The following ENSA variants were observed in gnomAD, a reference collection of about 807,000 sequenced individuals.
ENSA encodes the protein alpha-endosulfine.
In ENSA, 7 loss-of-function variants were observed where a neutral mutation model predicts 16.8. That is an observed-to-expected ratio of 0.42 (90% CI 0.24 to 0.78). ENSA has a LOEUF of 0.78. Ranked by LOEUF, ENSA falls within the 30% of genes least tolerant of loss-of-function variation. The probability of loss-of-function intolerance (pLI) is 0.29; values close to 1 mark genes in which losing one functional copy is unlikely to be tolerated. For synonymous variants in ENSA, 58 were observed against 53.4 expected, an observed-to-expected ratio of 1.09 and a Z score of -0.37; for missense variants, 87 against 142.3, an observed-to-expected ratio of 0.61 and a Z score of 1.98.
rs1275929044 is a variant in ENSA at position 150,627,735 on chromosome 1, C to T, written c.58-143G>A. ...TCTCTACTCTGCTGTTAAAGCTAGACCTTTGTTAAAATCCCTAAAGCTCAA... is the reference window on the plus strand; with the variant it reads ...TCTCTACTCTGCTGTTAAAGCTAGATCTTTGTTAAAATCCCTAAAGCTCAA... On this transcript the variant is annotated intron_variant, in intron 1 of 3. Coordinates refer to ENST00000369014, the MANE Select transcript of ENSA (RefSeq NM_004436.4). 4 of 923,592 alleles carry T rather than the reference C, an allele frequency of 4.3e-6. No homozygotes were observed. In the East Asian group the frequency reaches 8.0e-5, roughly 18 times the overall value. The allele number at this position is 923,592 out of a possible 1,614,324, so 57.2% of individuals were successfully genotyped here.
chr1:150,628,987 T>G, intron 1 of ENSA: 1 of 1,523,602 alleles, frequency 6.6e-7, no homozygotes, highest in Non-Finnish European at 9.1e-7. Flanking sequence ...GGTTTTTTTT[T>G]AAACGTCTTT....
chr1:150,628,887 C>T, intron 1 of ENSA: 1 of 644,692 alleles, frequency 1.6e-6, no homozygotes, highest in East Asian at 2.7e-5. Flanking sequence ...AGCAATAGAC[C>T]ATCCTTAGCT....
chr1:150,621,457 A>G (rs1648992409), downstream of ENSA: 1 of 152,266 alleles, frequency 6.6e-6, no homozygotes, highest in Admixed American at 6.5e-5. Flanking sequence ...TATTTTTAGT[A>G]GAGATGGGGT....
rs1649042225 is a variant in ENSA, at chr1:150,622,647, T to A, written c.*197A>T. The stretch of plus-strand genomic sequence containing the variant: ...TGGAAAAAAGGTAAAACAAAAAAGG[T>A]TCAAGGTCTTGGTGCTCAGCCCAAG... On this transcript the variant is annotated 3_prime_UTR_variant, in exon 4 of 4. Transcript: ENST00000369014. 4.7e-6 allele frequency: 1 copy of A among 211,670 alleles called. No individual in the cohort carries two copies. The highest frequency in any genetic ancestry group is 9.1e-5 in the Admixed American group (1 of 11,008). The allele number at this position is 211,670 out of a possible 1,614,324, so 13.1% of individuals were successfully genotyped here.
At chr1:150,624,868 T>A in intron 3 of ENSA, 1 of 970,500 alleles carries the variant, frequency 1.0e-6, no homozygotes. Flanking sequence ...CCAGAGAGGC[T>A]AAATGACTTA....
At chr1:150,626,492 C>T (rs1348208286) in intron 2 of ENSA, 1 of 1,613,704 alleles carries the variant, frequency 6.2e-7, no homozygotes, top group East Asian at 2.2e-5. Context: ...TTCATCCGCA[C>T]AGAGAAGCAC....
chr1:150,629,261 G>C, intron 1 of ENSA, 153 bp downstream of exon 1: 2 of 1,507,266 alleles, frequency 1.3e-6, no homozygotes, highest in Non-Finnish European at 1.8e-6. Context: ...CGCCAAAGCA[G>C]CATGTCGTGT....
chr1:150,625,932 T>C, intron 2 of ENSA, 124 bp from the exon 3 acceptor site: 2 of 1,418,332 alleles, frequency 1.4e-6, no homozygotes, highest in Non-Finnish European at 1.9e-6. Context: ...AAGTCTTCCT[T>C]GATTAACCTC....
chr1:150,623,632 T>C (rs1649105896), intron 3 of ENSA: 4 of 956,488 alleles, frequency 4.2e-6, no homozygotes, highest in Non-Finnish European at 5.0e-6. Flanking sequence ...CAAAATTATA[T>C]ATATATTTAT....
In ENSA at chr1:150,629,493, G is replaced by A; in HGVS notation, c.-23C>T. On this transcript the variant is annotated 5_prime_UTR_variant, in exon 1 of 4. Transcript: ENST00000369014. The stretch of plus-strand genomic sequence containing the variant: ...CATGGCGGGACCGGGACTGTGGAGT[G>A]TAAGGGGCCCGGGAAGGCAACCGGA... The A allele has an allele frequency of 6.2e-7, 1 of 1,609,492 alleles. No homozygotes were observed. The highest frequency in any genetic ancestry group is 8.5e-7 in the Non-Finnish European group (1 of 1,178,230).
intron 2 of ENSA, among the ~76,000 whole-genome samples, chr1:150,626,171 C>T (rs914786639): frequency 6.6e-6 from 1 of 152,152 alleles, no homozygotes; most frequent in Admixed American, 6.5e-5. Flanking sequence ...TAGCCTGGAA[C>T]TGGAGAAACA....
chr1:150,629,121 C>A (rs757987232), intron 1 of ENSA: 1 of 1,614,180 alleles, frequency 6.2e-7, no homozygotes, highest in Non-Finnish European at 8.5e-7. Flanking sequence ...TTCCATTCAC[C>A]GTCTTTCCAA....
rs1038558999 is a variant in ENSA, at chr1:150,622,531, C to T, written c.*313G>A. 5.5e-6 allele frequency: 2 copies of T among 366,632 alleles called. No homozygotes were observed. Among genetic ancestry groups the T allele is most frequent in the African/African-American group, 4.2e-5 (2 of 47,860 alleles). 22.7% of individuals were successfully genotyped at this position (366,632 alleles called of 1,614,324 possible). ...AGGAATGTTTTTACCAACTCCAAGC[C>T]CTAATTCATACTCCTCCATATCTCC... On this transcript the variant is annotated 3_prime_UTR_variant, in exon 4 of 4. Coordinates refer to ENST00000369014, the MANE Select transcript of ENSA (RefSeq NM_004436.4).
In ENSA at chr1:150,629,528, G is replaced by A. The variant is rs963588797; in HGVS notation, c.-58C>T. On this transcript the variant is annotated 5_prime_UTR_variant, in exon 1 of 4. Coordinates refer to ENST00000369014, the MANE Select transcript of ENSA (RefSeq NM_004436.4). ...CGGGAAGGCAACCGGAGAAGGGAAG[G>A]GGGAGGGGAAACGGGGACAACCTGC... 1.9e-6 allele frequency: 3 copies of A among 1,589,578 alleles called. No homozygotes were observed. The highest frequency in any genetic ancestry group is 1.8e-5 in the Admixed American group (1 of 54,800).
At chr1:150,628,503 T>G (rs587643884) in intron 1 of ENSA, among the ~76,000 whole-genome samples, 2 of 152,138 alleles carry the variant, frequency 1.3e-5, no homozygotes, top group African/African-American at 4.8e-5. Flanking sequence ...AATCTCTTTT[T>G]TTTTTTTTTG....
At chr1:150,628,971 A>G in intron 1 of ENSA, 3 of 1,402,780 alleles carry the variant, frequency 2.1e-6, no homozygotes, top group Non-Finnish European at 3.0e-6. Context: ...CCCCTCCCCC[A>G]ATACTGGTTT....
rs1057420429 is a variant in ENSA, at chr1:150,628,908, G to A, written c.57+506C>T. The A allele has an allele frequency of 2.3e-4, 166 of 726,078 alleles. 1 individual carries two copies. Among genetic ancestry groups the A allele is most frequent in the South Asian group, 1.1e-3 (61 of 56,544 alleles). The allele number at this position is 726,078 out of a possible 1,614,324, so 45.0% of individuals were successfully genotyped here. On this transcript the variant is annotated intron_variant, in intron 1 of 3. Coordinates refer to ENST00000369014, the MANE Select transcript of ENSA (RefSeq NM_004436.4). ...AGACCATCCTTAGCTACTAAAATAG[G>A]TCTCTTGAGAAAGTTGCCGCCTTAA...
chr1:150,624,138 T>C, intron 3 of ENSA: 7 of 985,446 alleles, frequency 7.1e-6, no homozygotes, highest in Non-Finnish European at 8.4e-6. Flanking sequence ...GGTAACTAGA[T>C]TGAAGATGCT....
In ENSA at chr1:150,622,864, G is replaced by C. The variant is rs751325976; in HGVS notation, c.351-5C>G. 1.9e-6 allele frequency: 3 copies of C among 1,548,992 alleles called. No individual in the cohort carries two copies. The highest frequency in any genetic ancestry group is 2.0e-5 in the Admixed American group (1 of 50,080). On this transcript the variant is annotated splice_polypyrimidine_tract_variant and splice_region_variant and intron_variant, in intron 3 of 3. Coordinates refer to ENST00000369014, the MANE Select transcript of ENSA (RefSeq NM_004436.4). ...CAGCATCATTCAACTTGGCCACTGC[G>C]GACGAACACAGAAGAAAAAAAAAAA...
Sources: allele counts gnomAD v4.1 joint callset (sites outside exome capture counted in the v4.1 genomes callset), GRCh38; gene constraint gnomAD v4.1.1; transcripts MANE v1.5; gene names NCBI Gene and HGNC (gene_info 2026-07-23, HGNC 2026-07-21).